The following CPEB1 variants were observed in gnomAD, a reference collection of about 807,000 sequenced individuals.
CPEB1 encodes the protein cytoplasmic polyadenylation element-binding protein 1.
CPEB1 carries 7 observed loss-of-function variants against 65.8 expected under a neutral mutation model. That is an observed-to-expected ratio of 0.11 (90% CI 0.06 to 0.20). The LOEUF is 0.20. Ranked by LOEUF, CPEB1 falls within the 10% of genes least tolerant of loss-of-function variation. The probability of loss-of-function intolerance (pLI) is 1.00; values close to 1 mark genes in which losing one functional copy is unlikely to be tolerated. For synonymous variants in CPEB1, 262 were observed against 260.0 expected (o/e 1.01, Z -0.08); for missense variants, 551 against 712.2 (o/e 0.77, Z 2.58).
rs377110203 is a variant in CPEB1, at chr15:82,554,571, T to C, written c.941-580A>G. Reference sequence around the variant, plus strand: ...CAGACTCATCTTTATAGCACCCAAATAGACAATGGGCCTTCCTTGATGCCA... The same window carrying C: ...CAGACTCATCTTTATAGCACCCAAACAGACAATGGGCCTTCCTTGATGCCA... On this transcript the variant is annotated intron_variant, in intron 6 of 12. Coordinates refer to ENST00000684509, the MANE Select transcript of CPEB1 (RefSeq NM_001365242.1). Among the ~76,000 whole-genome samples, 9 of 152,254 alleles carry C rather than the reference T, an allele frequency of 5.9e-5. No individual in the cohort carries two copies. The East Asian group carries it at 9.7e-4, about 16-fold the overall frequency.
chr15:82,558,469 ACC>A lies in CPEB1; in HGVS notation c.461-485_461-484del, dbSNP rs573420666. 3.7e-3 allele frequency among the ~76,000 whole-genome samples: 571 copies of A among 152,334 alleles called. 1 individual carries two copies. The highest frequency in any genetic ancestry group is 0.013 in the African/African-American group (537 of 41,576). On this transcript the variant is annotated intron_variant, in intron 4 of 12. Transcript: ENST00000684509. ...CAGAAATCTGGTATAGCATAAGCATACCACCTCATGTGAGAGGTTCACTTATG... is the reference window on the plus strand; with the variant it reads ...CAGAAATCTGGTATAGCATAAGCATAACCTCATGTGAGAGGTTCACTTATG...
chr15:82,608,819 G>A (rs1333313112), intron 3 of CPEB1, among the ~76,000 whole-genome samples: 4 of 151,960 alleles, frequency 2.6e-5, no homozygotes, highest in Non-Finnish European at 4.4e-5. Context: ...TATCAGGAAG[G>A]AAACTGTATA....
intron 1 of CPEB1, among the ~76,000 whole-genome samples, chr15:82,645,343 G>C (rs754744174): frequency 1.3e-5 from 2 of 151,970 alleles, no homozygotes; most frequent in African/African-American, 4.8e-5. Context: ...AGGAGAGACG[G>C]GAATTCACCT....
At chr15:82,579,278 C>G (rs1327845337) in intron 3 of CPEB1, among the ~76,000 whole-genome samples, 1 of 152,122 alleles carries the variant, frequency 6.6e-6, no homozygotes, top group African/African-American at 2.4e-5. Flanking sequence ...CTGGGCAACA[C>G]AGGGAGACCC....
intron 3 of CPEB1, among the ~76,000 whole-genome samples, chr15:82,586,041 G>A (rs1311021690): frequency 1.3e-5 from 2 of 152,140 alleles, no homozygotes; most frequent in African/African-American, 4.8e-5. Flanking sequence ...TGATAATGGT[G>A]TAAGTGATAA....
chr15:82,641,364 A>T (rs1015866431), intron 1 of CPEB1, among the ~76,000 whole-genome samples: 2 of 152,212 alleles, frequency 1.3e-5, no homozygotes, highest in African/African-American at 4.8e-5. Flanking sequence ...GTTAAGTAGT[A>T]AGAGATTAAG....
intron 3 of CPEB1, among the ~76,000 whole-genome samples, chr15:82,615,981 T>C (rs1159107842): frequency 6.6e-6 from 1 of 152,260 alleles, no homozygotes; most frequent in African/African-American, 2.4e-5. Context: ...AAGAGGAATA[T>C]TGTATATATT....
intron 3 of CPEB1, among the ~76,000 whole-genome samples, chr15:82,577,731 C>A (rs564177097): frequency 1.7e-4 from 26 of 152,166 alleles, no homozygotes; most frequent in African/African-American, 6.0e-4. Flanking sequence ...CTATGTTGCC[C>A]AAGCTGTTCT....
chr15:82,598,423 C>T (rs894221068), intron 3 of CPEB1, among the ~76,000 whole-genome samples: 3 of 151,830 alleles, frequency 2.0e-5, no homozygotes, highest in Admixed American at 6.6e-5. Flanking sequence ...GAACGTGGGA[C>T]GCAGAGGTTG....
intron 4 of CPEB1, among the ~76,000 whole-genome samples, chr15:82,559,643 A>G (rs1227498175): frequency 1.3e-5 from 2 of 152,172 alleles, no homozygotes; most frequent in Non-Finnish European, 2.9e-5. Flanking sequence ...TTAGTTTAGC[A>G]TTTTGTTTTT....
intron 1 of CPEB1, chr15:82,629,921 C>A: frequency 1.0e-6 from 1 of 985,318 alleles, no homozygotes; most frequent in Non-Finnish European, 1.2e-6. Context: ...AAGATTGGTA[C>A]CCTCTGCAAA....
At chr15:82,646,693 G>A (rs1011553713) in intron 1 of CPEB1, among the ~76,000 whole-genome samples, 2 of 152,248 alleles carry the variant, frequency 1.3e-5, no homozygotes, top group East Asian at 1.9e-4. Flanking sequence ...GCCGCTCACA[G>A]AGCCTTCTGG....
chr15:82,544,339 C>A lies in CPEB1; in HGVS notation c.*253G>T. The A allele has an allele frequency of 1.4e-5, 3 of 209,548 alleles. No individual in the cohort carries two copies. Among genetic ancestry groups the A allele is most frequent in the Non-Finnish European group, 2.7e-5 (3 of 110,400 alleles). 13.0% of individuals were successfully genotyped at this position (209,548 alleles called of 1,614,324 possible). A position where few individuals can be genotyped will look rare whatever the true frequency, so the allele number is the denominator to read the frequency against. On this transcript the variant is annotated 3_prime_UTR_variant, in exon 13 of 13. Transcript: ENST00000684509. ...AATGAGGAACTAAAATCTGGGAAAACTACAGAGTCGCTTGGAGGGTAAGCC... is the reference window on the plus strand; with the variant it reads ...AATGAGGAACTAAAATCTGGGAAAAATACAGAGTCGCTTGGAGGGTAAGCC...
At chr15:82,545,063 T>A (rs1360485391) in intron 12 of CPEB1, among the ~76,000 whole-genome samples, 2 of 152,156 alleles carry the variant, frequency 1.3e-5, no homozygotes, top group African/African-American at 2.4e-5. Context: ...GGAGAATGTA[T>A]AAGGATACTG....
chr15:82,608,323 T>C (rs2043818690), intron 3 of CPEB1, among the ~76,000 whole-genome samples: 1 of 152,168 alleles, frequency 6.6e-6, no homozygotes, highest in African/African-American at 2.4e-5. Flanking sequence ...TGGCTGTACT[T>C]GGTGAGCTCG....
At chr15:82,598,828 C>T (rs1382848008) in intron 3 of CPEB1, among the ~76,000 whole-genome samples, 1 of 152,002 alleles carries the variant, frequency 6.6e-6, no homozygotes, top group African/African-American at 2.4e-5. Context: ...TTTAAAAATA[C>T]AAATTACAAC....
chr15:82,556,768 T>TA (rs2037275990), intron 5 of CPEB1, among the ~76,000 whole-genome samples: 1 of 152,096 alleles, frequency 6.6e-6, no homozygotes, highest in South Asian at 2.1e-4. Context: ...ACAGAAGAGG[T>TA]AACTGCAGCC....
chr15:82,582,560 G>A (rs370222199), intron 3 of CPEB1, among the ~76,000 whole-genome samples: 23 of 152,042 alleles, frequency 1.5e-4, no homozygotes, highest in African/African-American at 5.3e-4. Flanking sequence ...CTCAAATACA[G>A]GGACTAACTG....
At chr15:82,556,306 T>C in intron 5 of CPEB1, 184 bp from the exon 6 acceptor site, 1 of 622,762 alleles carries the variant, frequency 1.6e-6, no homozygotes, top group South Asian at 2.6e-5. Context: ...AAATGCTCCT[T>C]CTCTCCTCAT....
Sources: allele counts gnomAD v4.1 joint callset (sites outside exome capture counted in the v4.1 genomes callset), GRCh38; gene constraint gnomAD v4.1.1; transcripts MANE v1.5; gene names NCBI Gene and HGNC (gene_info 2026-07-23, HGNC 2026-07-21).